The following FAM174A variants were observed in gnomAD, a reference collection of about 807,000 sequenced individuals.
FAM174A encodes family with sequence similarity 174 member A, also known as membrane protein FAM174A.
FAM174A carries 14 observed loss-of-function variants against 14.3 expected under a neutral mutation model. The observed-to-expected ratio is 0.98, with a 90% CI of 0.65 to 1.53. FAM174A has a LOEUF of 1.53. Among genes scored for constraint, FAM174A ranks in the 40% most tolerant of loss-of-function variants. The pLI is 0.00. For synonymous variants in FAM174A, 108 were observed against 111.4 expected (o/e 0.97, Z 0.19); for missense variants, 241 against 249.6 (o/e 0.97, Z 0.23).
intron 1 of FAM174A, among the ~76,000 whole-genome samples, chr5:100,555,562 C>G (rs1209441926): frequency 1.3e-5 from 2 of 151,906 alleles, no homozygotes; most frequent in African/African-American, 2.4e-5. Flanking sequence ...AAAAGTGTTC[C>G]TATTTCTCCA....
chr5:100,581,714 G>T (rs1257899981), intron 2 of FAM174A, among the ~76,000 whole-genome samples: 3 of 152,142 alleles, frequency 2.0e-5, no homozygotes, highest in African/African-American at 7.2e-5. Flanking sequence ...GTGGGGAGTG[G>T]TGGTTCCTAC....
At chr5:100,542,511 C>T (rs149703683) in intron 1 of FAM174A, among the ~76,000 whole-genome samples, 4 of 152,320 alleles carry the variant, frequency 2.6e-5, no homozygotes, top group South Asian at 4.1e-4. Context: ...TTTAGGTTCA[C>T]ATCACTAGAT....
At chr5:100,564,725 A>G (rs1247077555) in intron 2 of FAM174A, among the ~76,000 whole-genome samples, 2 of 151,850 alleles carry the variant, frequency 1.3e-5, no homozygotes, top group African/African-American at 4.8e-5. Flanking sequence ...AAATTAAAGA[A>G]GACATGAGAC....
chr5:100,584,891 A>G (rs1468746594), intron 2 of FAM174A, among the ~76,000 whole-genome samples: 1 of 150,984 alleles, frequency 6.6e-6, no homozygotes, highest in Non-Finnish European at 1.5e-5. Context: ...TTTTTTTTGT[A>G]ATGTCATGAC....
intron 2 of FAM174A, among the ~76,000 whole-genome samples, chr5:100,572,206 T>G (rs111237103): frequency 0.1 from 12,240 of 118,466 alleles, 783 homozygotes; most frequent in African/African-American, 0.23. Flanking sequence ...CAAGTAAAGG[T>G]TTTTTTTTCT....
intron 2 of FAM174A, among the ~76,000 whole-genome samples, chr5:100,570,281 A>T (rs1746753286): frequency 6.6e-6 from 1 of 151,914 alleles, no homozygotes; most frequent in South Asian, 2.1e-4. Context: ...ATACATTCCA[A>T]ATACCATTAC....
At chr5:100,565,670 GA>G (rs1310602970) in intron 2 of FAM174A, among the ~76,000 whole-genome samples, 4 of 151,576 alleles carry the variant, frequency 2.6e-5, no homozygotes, top group Non-Finnish European at 5.9e-5. Context: ...TTATTACATA[GA>G]GAGATCTGCA....
chr5:100,551,309 GCATT>G (rs1469902330), intron 1 of FAM174A, among the ~76,000 whole-genome samples: 1 of 152,144 alleles, frequency 6.6e-6, no homozygotes, highest in Non-Finnish European at 1.5e-5. Context: ...GTCCATCACA[GCATT>G]CATGCCAGGA....
rs558236562 is a variant in FAM174A at position 100,566,141 on chromosome 5, G to GATAGATATATATATATATATAT, written c.569+3956_569+3957insGATATATATATATATATATATA. 6.8e-4 allele frequency among the ~76,000 whole-genome samples: 56 copies of GATAGATATATATATATATATAT among 81,782 alleles called. 4 individuals are homozygous for GATAGATATATATATATATATAT. The highest frequency in any genetic ancestry group is 8.7e-4 in the Non-Finnish European group (36 of 41,204). 53.7% of individuals were successfully genotyped at this position (81,782 alleles called of 152,430 possible). A position where few individuals can be genotyped will look rare whatever the true frequency, so the allele number is the denominator to read the frequency against. On this transcript the variant is annotated intron_variant, in intron 2 of 2. Transcript: ENST00000312637. ...ACAGATAAATGAATTTGAAAAGTAT[G>GATAGATATATATATATATATAT]ATATATATATATATATATATATATA...
chr5:100,579,784 G>C (rs1389825122), intron 2 of FAM174A, among the ~76,000 whole-genome samples: 1 of 152,114 alleles, frequency 6.6e-6, no homozygotes. Context: ...CTTTTTCACT[G>C]TGCTTTCTTT....
chr5:100,581,317 C>T (rs770137613), intron 2 of FAM174A: 135 of 935,684 alleles, frequency 1.4e-4, no homozygotes, highest in Non-Finnish European at 1.6e-4. Flanking sequence ...CTACTTTTCT[C>T]ATACCATATT....
At chr5:100,553,543 T>G (rs985060261) in intron 1 of FAM174A, among the ~76,000 whole-genome samples, 12 of 152,128 alleles carry the variant, frequency 7.9e-5, no homozygotes, top group African/African-American at 2.7e-4. Flanking sequence ...TAAATTTTAT[T>G]TAATAATATA....
In FAM174A at chr5:100,552,702, T is replaced by G. The variant is rs541029693; in HGVS notation, c.435-9352T>G. Reference sequence around the variant, plus strand: ...TTACTTTAGTGGTTTAGTTTTATTTTGATACTCTAACTTATATACATGTTA... The same window carrying G: ...TTACTTTAGTGGTTTAGTTTTATTTGGATACTCTAACTTATATACATGTTA... On this transcript the variant is annotated intron_variant, in intron 1 of 2. Coordinates refer to ENST00000312637, the MANE Select transcript of FAM174A (RefSeq NM_198507.3). Among the ~76,000 whole-genome samples the G allele has an allele frequency of 1.4e-4, 22 of 152,284 alleles. No homozygotes were observed. In the South Asian group the frequency reaches 3.7e-3, roughly 26 times the overall value.
chr5:100,535,781 G>T lies in FAM174A; in HGVS notation c.251G>T (p.Gly84Val). The change falls in exon 1 of 3, where the codon GGC (glycine) becomes GTC (valine). Residue 84 changes from glycine to valine, a missense_variant. Physicochemically the swap from Gly to Val is moderately radical, Grantham distance 109. Transcript: ENST00000312637. ...CCGCGGGGCTCCGAGGGAGGCAATG[G>T]CAGCAACCCTGTGGCCGGGCTTGAG... ...AGPRGSEGGN[G>V]SNPVAGLETD... 1 of 1,607,126 alleles carries T rather than the reference G, an allele frequency of 6.2e-7. No individual in the cohort carries two copies.
intron 1 of FAM174A, among the ~76,000 whole-genome samples, chr5:100,550,642 TACA>T: frequency 6.6e-6 from 1 of 152,158 alleles, no homozygotes; most frequent in South Asian, 2.1e-4. Flanking sequence ...TAAATAAGTA[TACA>T]AGTGAACTTT....
chr5:100,548,958 T>C (rs1746212916), intron 1 of FAM174A, among the ~76,000 whole-genome samples: 1 of 152,088 alleles, frequency 6.6e-6, no homozygotes, highest in Non-Finnish European at 1.5e-5. Flanking sequence ...TGTATACAAA[T>C]ATTGTTATGT....
intron 2 of FAM174A, among the ~76,000 whole-genome samples, chr5:100,572,821 C>T (rs1275700754): frequency 2.6e-5 from 4 of 152,104 alleles, no homozygotes; most frequent in South Asian, 2.1e-4. Flanking sequence ...CCTGAGGAAT[C>T]GCCACCCTGA....
At chr5:100,543,095 A>G (rs1256088106) in intron 1 of FAM174A, among the ~76,000 whole-genome samples, 3 of 152,098 alleles carry the variant, frequency 2.0e-5, no homozygotes, top group Non-Finnish European at 2.9e-5. Flanking sequence ...CCTTGTCTCA[A>G]ACAAAGTTAA....
chr5:100,579,171 A>G (rs542767367), intron 2 of FAM174A, among the ~76,000 whole-genome samples: 2 of 152,288 alleles, frequency 1.3e-5, no homozygotes, highest in South Asian at 4.2e-4. Context: ...TCTTTATTTT[A>G]TATTATAATG....
Sources: gnomAD v4.1 joint callset for allele counts (sites outside exome capture counted in the v4.1 genomes callset) on GRCh38, gnomAD v4.1.1 for gene constraint, MANE v1.5 for transcripts, NCBI Gene and HGNC (gene_info 2026-07-23, HGNC 2026-07-21) for gene names.